The following CHST9 variants were observed in gnomAD, a reference collection of about 807,000 sequenced individuals.
CHST9 encodes GalNAc-4-sulfotransferase 2.
Under a neutral mutation model 44.4 loss-of-function variants are expected in CHST9, and 41 were observed. The observed-to-expected ratio is 0.92, with a 90% CI of 0.72 to 1.20. CHST9 has a LOEUF of 1.20. Among genes scored for constraint, CHST9 ranks in the 50% most tolerant of loss-of-function variants. The pLI, the probability that CHST9 is intolerant of heterozygous loss-of-function variation, is 0.00. For missense variants in CHST9, 504 were observed against 516.5 expected (o/e 0.98, Z 0.23); for synonymous variants, 171 against 178.4 (o/e 0.96, Z 0.33).
chr18:27,121,496 ATGGCAGC>A (rs1598738889), intron 2 of CHST9, among the ~76,000 whole-genome samples: 1 of 152,150 alleles, frequency 6.6e-6, no homozygotes, highest in East Asian at 1.9e-4. Flanking sequence ...TTCTGTGGGT[ATGGCAGC>A]TGGTACATAG....
intron 2 of CHST9, among the ~76,000 whole-genome samples, chr18:27,118,456 TAAGTATTAGTAA>T (rs2058347792): frequency 6.6e-6 from 1 of 152,218 alleles, no homozygotes; most frequent in South Asian, 2.1e-4. Context: ...ATCTTCAAAA[TAAGTATTAGTAA>T]TTCATTTTAC....
chr18:26,981,531 G>A (rs2056692001), intron 4 of CHST9, among the ~76,000 whole-genome samples: 1 of 152,192 alleles, frequency 6.6e-6, no homozygotes, highest in Non-Finnish European at 1.5e-5. Context: ...TGAACAGTAA[G>A]TTCGTTGTTC....
intron 3 of CHST9, among the ~76,000 whole-genome samples, chr18:27,036,531 T>C (rs1487461675): frequency 6.6e-6 from 1 of 152,176 alleles, no homozygotes. Flanking sequence ...GTTAAGATAA[T>C]TTTCAAACAT....
Position 26,919,098 on chromosome 18 carries a change from C to T in CHST9, c.241-1748G>A, listed in dbSNP as rs61621235. ...ATCTTGTGAGACTTATTCACTATCA[C>T]GAGGACAGCATGGGAAAAACCCACC... is the stretch of plus-strand genomic sequence containing the variant. On this transcript the variant is annotated intron_variant, in intron 5 of 5. Transcript: ENST00000618847. Among the ~76,000 whole-genome samples, 577 of 152,122 alleles carry T rather than the reference C, an allele frequency of 3.8e-3. 9 individuals carry two copies. The highest frequency in any genetic ancestry group is 0.022 in the East Asian group (112 of 5,172).
At chr18:27,015,867 A>G (rs2057147496) in intron 4 of CHST9, among the ~76,000 whole-genome samples, 1 of 152,192 alleles carries the variant, frequency 6.6e-6, no homozygotes, top group Non-Finnish European at 1.5e-5. Flanking sequence ...GCAAGGTCTC[A>G]ATCTAAGTCC....
chr18:26,948,040 A>T (rs1330810178), intron 4 of CHST9, among the ~76,000 whole-genome samples: 2 of 152,230 alleles, frequency 1.3e-5, no homozygotes, highest in African/African-American at 4.8e-5. Flanking sequence ...AATGTGGCAC[A>T]TATACACCAT....
At chr18:27,137,304 A>ATGTGTG (rs60705060) in intron 2 of CHST9, among the ~76,000 whole-genome samples, 124 of 145,474 alleles carry the variant, frequency 8.5e-4, no homozygotes, top group African/African-American at 2.9e-3. Flanking sequence ...TTATTTATAT[A>ATGTGTG]TGTGTGTGTG....
At chr18:27,005,260 A>G (rs1188518451) in intron 4 of CHST9, among the ~76,000 whole-genome samples, 13 of 152,174 alleles carry the variant, frequency 8.5e-5, no homozygotes, top group Non-Finnish European at 1.5e-5. Context: ...ATTAAATGAG[A>G]TATTACATGT....
chr18:26,972,357 C>CAA (rs887066938), intron 4 of CHST9, among the ~76,000 whole-genome samples: 3,224 of 65,018 alleles, frequency 0.05, 93 homozygotes, highest in Middle Eastern at 0.094. Context: ...ACTCCAACTC[C>CAA]AAAAAAAAAA....
chr18:27,017,492 CT>C (rs1265377109), intron 4 of CHST9, among the ~76,000 whole-genome samples: 1 of 152,124 alleles, frequency 6.6e-6, no homozygotes, highest in Non-Finnish European at 1.5e-5. Context: ...TGAAAGGGGC[CT>C]TTACAAAGTA....
Position 27,090,890 on chromosome 18 carries a change from G to C in CHST9, c.122-42387C>G, listed in dbSNP as rs1482341426. Reference sequence around the variant, plus strand: ...GAAGTCAGGTAGCGTGATGCCTCCAGCTTTGTTCTTTTTGCTTAGGATTGT... The same window carrying C: ...GAAGTCAGGTAGCGTGATGCCTCCACCTTTGTTCTTTTTGCTTAGGATTGT... On this transcript the variant is annotated intron_variant, in intron 2 of 5. Coordinates refer to ENST00000618847, the MANE Select transcript of CHST9 (RefSeq NM_031422.6). Among the ~76,000 whole-genome samples, 5 of 152,156 alleles carry C rather than the reference G, an allele frequency of 3.3e-5. No individual in the cohort carries two copies. In the East Asian group the frequency reaches 9.6e-4, roughly 29 times the overall value.
chr18:26,912,417 A>ACACACACC lies in CHST9; in HGVS notation c.*3841_*3842insGGTGTGTG, dbSNP rs1555666529. 6.6e-6 allele frequency: 1 copy of ACACACACC among 151,632 alleles called. No individual in the cohort carries two copies. Among genetic ancestry groups the ACACACACC allele is most frequent in the Non-Finnish European group, 1.5e-5 (1 of 67,964 alleles). 9.4% of individuals were successfully genotyped at this position (151,632 alleles called of 1,614,324 possible). The stretch of plus-strand genomic sequence containing the variant: ...CACACACACACACACACACACAGAC[A>ACACACACC]CCCATATTTGTATGGAAAAAATTTC... On this transcript the variant is annotated 3_prime_UTR_variant, in exon 6 of 6. Transcript: ENST00000618847.
intron 2 of CHST9, among the ~76,000 whole-genome samples, chr18:27,117,819 C>T (rs984814047): frequency 2.6e-5 from 4 of 152,222 alleles, no homozygotes; most frequent in Admixed American, 2.0e-4. Context: ...TATTTGCTTG[C>T]AAGTTTTGAT....
chr18:27,000,394 C>T (rs965569495), intron 4 of CHST9, among the ~76,000 whole-genome samples: 4 of 152,196 alleles, frequency 2.6e-5, no homozygotes, highest in Non-Finnish European at 5.9e-5. Flanking sequence ...TGTTCACTTA[C>T]GAAGGGACTT....
Position 26,944,565 on chromosome 18 carries a change from GGC to G in CHST9, c.203-201_203-200del, listed in dbSNP as rs531125593. The stretch of plus-strand genomic sequence containing the variant: ...GCCAAAACCTAAATAAACTGTGTTA[GGC>G]AAAGATAACAGAAAATGGAGTGGAA... On this transcript the variant is annotated intron_variant, in intron 4 of 5. Coordinates refer to ENST00000618847, the MANE Select transcript of CHST9 (RefSeq NM_031422.6). Among the ~76,000 whole-genome samples the G allele has an allele frequency of 3.8e-3, 578 of 152,190 alleles. 2 individuals are homozygous for G. Among genetic ancestry groups the G allele is most frequent in the African/African-American group, 0.013 (549 of 41,530 alleles).
chr18:27,151,662 T>C (rs1195024021), intron 1 of CHST9, among the ~76,000 whole-genome samples: 1 of 152,084 alleles, frequency 6.6e-6, no homozygotes, highest in Non-Finnish European at 1.5e-5. Context: ...CAGAGTGATG[T>C]GATATTAAGA....
intron 3 of CHST9, among the ~76,000 whole-genome samples, chr18:27,043,130 G>A (rs1328414426): frequency 6.6e-6 from 1 of 151,950 alleles, no homozygotes; most frequent in Non-Finnish European, 1.5e-5. Context: ...ATCTTTCCTA[G>A]GGTCTCGGTC....
At chr18:26,960,167 T>C (rs528840575) in intron 4 of CHST9, among the ~76,000 whole-genome samples, 4 of 152,248 alleles carry the variant, frequency 2.6e-5, no homozygotes, top group African/African-American at 9.6e-5. Context: ...CAGAAATAGA[T>C]ATCAGGAAAA....
intron 2 of CHST9, among the ~76,000 whole-genome samples, chr18:27,140,252 G>GC (rs2058554043): frequency 6.6e-6 from 1 of 152,096 alleles, no homozygotes; most frequent in Non-Finnish European, 1.5e-5. Flanking sequence ...CCTTGGATAC[G>GC]CCCCTTATCC....
Sources: allele counts gnomAD v4.1 joint callset (sites outside exome capture counted in the v4.1 genomes callset), GRCh38; gene constraint gnomAD v4.1.1; transcripts MANE v1.5; gene names NCBI Gene and HGNC (gene_info 2026-07-23, HGNC 2026-07-21).